The following TTF2 variants were observed in gnomAD, a reference collection of about 807,000 sequenced individuals.
The protein encoded by TTF2 is RNA polymerase II termination factor.
In TTF2, 108 loss-of-function variants were observed where a neutral mutation model predicts 142.4. That is an observed-to-expected ratio of 0.76 (90% CI 0.65 to 0.89). The LOEUF (loss-of-function observed/expected upper bound fraction) is 0.89. TTF2 is among the 40% of genes least tolerant of loss of function. The pLI is 0.00. For missense variants in TTF2, 1,327 were observed against 1,379.8 expected (o/e 0.96, Z 0.61); for synonymous variants, 483 against 506.2 (o/e 0.95, Z 0.61).
At chr1:117,066,204 A>C (rs1212731474) in intron 3 of TTF2, among the ~76,000 whole-genome samples, 1 of 152,044 alleles carries the variant, frequency 6.6e-6, no homozygotes, top group Non-Finnish European at 1.5e-5. Flanking sequence ...TACCAGAAAG[A>C]TGGAGAAACT....
At position 117,086,383 on chromosome 1, in the gene TTF2, A is replaced by T. The variant is rs1648011952; in HGVS notation, c.2055-34A>T. On this transcript the variant is annotated intron_variant, in intron 11 of 22. Coordinates refer to ENST00000369466, the MANE Select transcript of TTF2 (RefSeq NM_003594.4). This position sits in a 1 kb window ranked among gnomAD's most constrained non-coding sequence, Gnocchi z 4.2. ...TCTCTCATTGTCCCTCTATAGTGGG[A>T]CCATTTATTGATTTCTTTGTTATGT... 1 of 1,496,806 alleles carries T rather than the reference A, an allele frequency of 6.7e-7. No individual in the cohort carries two copies. The highest frequency in any genetic ancestry group is 1.4e-5 in the African/African-American group (1 of 72,492). The allele number at this position is 1,496,806 out of a possible 1,614,324, so 92.7% of individuals were successfully genotyped here.
rs770701349 is a variant in TTF2 at position 117,076,618 on chromosome 1, C to T, written c.1391-23C>T. On this transcript the variant is annotated intron_variant, in intron 6 of 22. Transcript: ENST00000369466. This position sits in a 1 kb window ranked among gnomAD's most constrained non-coding sequence, Gnocchi z 4.6. ...ACTTAGTTTGCTGAACTTTAATCTG[C>T]TCTTCCCTTGTTTTCTGAGCAGGAA... 4 of 1,589,746 alleles carry T rather than the reference C, an allele frequency of 2.5e-6. No individual in the cohort carries two copies. The South Asian group carries it at 3.5e-5, about 14-fold the overall frequency.
intron 3 of TTF2, among the ~76,000 whole-genome samples, chr1:117,066,530 G>A (rs1432194515): frequency 6.6e-6 from 1 of 152,084 alleles, no homozygotes; most frequent in Non-Finnish European, 1.5e-5. Flanking sequence ...GTGTGTGATG[G>A]CCTCGGTCTG....
At position 117,060,555 on chromosome 1, in the gene TTF2, C is replaced by A. The variant is rs754822746; in HGVS notation, c.129C>A (p.Thr43=). The A allele has an allele frequency of 3.1e-6, 5 of 1,609,054 alleles. No homozygotes were observed. Among genetic ancestry groups the A allele is most frequent in the Non-Finnish European group, 4.2e-6 (5 of 1,177,236 alleles). The part of the protein sequence containing the change: ...RADTCSFVRA[T]DIPVSHCLLH... ...ACACGTGCAGCTTCGTGCGGGCCAC[C>A]GAGTAGGTCTGGAGCTGGGCCCCAC... is the stretch of plus-strand genomic sequence containing the variant. The change falls in exon 2 of 23, where the codon ACC becomes ACA. Residue 43 remains threonine (T), a splice_region_variant and synonymous_variant. Transcript: ENST00000369466.
rs1010454836 is a variant in TTF2, at chr1:117,096,165, T to C, written c.3052T>C (p.Trp1018Arg). ...ASQKSVIVSQWTNMLKVVALH... is the reference protein window; with the variant it reads ...ASQKSVIVSQRTNMLKVVALH... ...TCTTTCCAGTGTCATTGTCTCTCAG[T>C]GGACCAACATGCTGAAAGTTGTAGC... Residue 1018 changes from tryptophan (W) to arginine (R), a missense_variant, in exon 20 of 23, where the codon TGG (tryptophan) becomes CGG (arginine). Trp to Arg is a moderately radical substitution (Grantham distance 101, BLOSUM62 -3). Coordinates refer to ENST00000369466, the MANE Select transcript of TTF2 (RefSeq NM_003594.4). The C allele has an allele frequency of 2.5e-6, 4 of 1,614,106 alleles. No individual in the cohort carries two copies. The highest frequency in any genetic ancestry group is 2.7e-5 in the African/African-American group (2 of 75,036).
chr1:117,086,603 C>A lies in TTF2; in HGVS notation c.2160+81C>A. On this transcript the variant is annotated intron_variant, in intron 12 of 22. Transcript: ENST00000369466. The surrounding 1 kb of genome is among the most constrained non-coding windows in gnomAD (Gnocchi z 4.2). Reference sequence around the variant, plus strand: ...GAGTCTTTCTCAGCCTCCACGATAGCAAGAGGACCTCCCTGGAGGTCAGGA... The same window carrying A: ...GAGTCTTTCTCAGCCTCCACGATAGAAAGAGGACCTCCCTGGAGGTCAGGA... The A allele has an allele frequency of 1.0e-6, 1 of 969,614 alleles. No homozygotes were observed. 60.1% of individuals were successfully genotyped at this position (969,614 alleles called of 1,614,324 possible).
rs1411496552 is a variant in TTF2, at chr1:117,090,281, C to G, written c.2496+73C>G. The G allele has an allele frequency of 1.3e-6, 2 of 1,550,128 alleles. No homozygotes were observed. Among genetic ancestry groups the G allele is most frequent in the Non-Finnish European group, 1.7e-6 (2 of 1,149,488 alleles). On this transcript the variant is annotated intron_variant, in intron 14 of 22. Coordinates refer to ENST00000369466, the MANE Select transcript of TTF2 (RefSeq NM_003594.4). The surrounding 1 kb of genome is among the most constrained non-coding windows in gnomAD (Gnocchi z 4.8). ...GACTGTGTCCTTGTCTTGGGTTGAA[C>G]AGCCATCTGCTTTGCTTCAGGAGCC...
rs1389983186 is a variant in TTF2, at chr1:117,076,459, C to G, written c.1390+165C>G. 2.1e-6 allele frequency: 2 copies of G among 932,342 alleles called. No homozygotes were observed. Among genetic ancestry groups the G allele is most frequent in the African/African-American group, 1.7e-5 (1 of 59,692 alleles). The allele number at this position is 932,342 out of a possible 1,614,324, so 57.8% of individuals were successfully genotyped here. A position where few individuals can be genotyped will look rare whatever the true frequency, so the allele number is the denominator to read the frequency against. ...ACCTATGGTTCATAAAAAACTTTCT[C>G]CTGTTTCCTGTGGACTCTACTTTCT... On this transcript the variant is annotated intron_variant, in intron 6 of 22. Transcript: ENST00000369466. This position sits in a 1 kb window ranked among gnomAD's most constrained non-coding sequence, Gnocchi z 4.6.
At chr1:117,061,921 A>G (rs1371264059) in intron 2 of TTF2, among the ~76,000 whole-genome samples, 1 of 152,202 alleles carries the variant, frequency 6.6e-6, no homozygotes, top group Non-Finnish European at 1.5e-5. Flanking sequence ...ATTTTTTCAT[A>G]ATAAGTTGGA....
chr1:117,091,572 C>T (rs1472001142), intron 16 of TTF2, among the ~76,000 whole-genome samples, 162 bp downstream of exon 16: 3 of 152,180 alleles, frequency 2.0e-5, no homozygotes, highest in Non-Finnish European at 4.4e-5. Context: ...AACACGAGAT[C>T]TGGTGTTTAT....
chr1:117,069,567 C>T (rs974040548), intron 3 of TTF2, among the ~76,000 whole-genome samples: 1 of 152,194 alleles, frequency 6.6e-6, no homozygotes, highest in African/African-American at 2.4e-5. Context: ...TCAGGCTTTG[C>T]TCTGATTGTA....
Position 117,088,922 on chromosome 1 carries a change from G to T in TTF2, c.2282G>T (p.Arg761Leu), listed in dbSNP as rs781058686. Residue 761 changes from arginine to leucine, a missense_variant, in exon 13 of 23, where the codon CGT becomes CTT. Arg to Leu is a moderately radical substitution (Grantham distance 102, BLOSUM62 -2). Transcript: ENST00000369466. ...GTGTGTAAGCTACAAGCCTGTGCCC[G>T]TTGGGCTGTCACTGGAACCCCCATT... ...IAVCKLQACA[R>L]WAVTGTPIQN... The T allele has an allele frequency of 6.2e-7, 1 of 1,613,492 alleles. No homozygotes were observed. Among genetic ancestry groups the T allele is most frequent in the Non-Finnish European group, 8.5e-7 (1 of 1,179,770 alleles).
At position 117,060,369 on chromosome 1, in the gene TTF2, A is replaced by G. The variant is rs751391686; in HGVS notation, c.23A>G (p.Glu8Gly). ...GAAATGGAAGAAGTTAGGTGTCCAGAGCACGGTAAGGGGCTAGGGTCTCAG... is the reference window on the plus strand; with the variant it reads ...GAAATGGAAGAAGTTAGGTGTCCAGGGCACGGTAAGGGGCTAGGGTCTCAG... MEEVRCP[E>G]HGTFCFLKTG... is the part of the protein sequence containing the mutation. The change falls in exon 1 of 23, where the codon GAG becomes GGG. Residue 8 changes from glutamate (E) to glycine (G), a missense_variant. Coordinates refer to ENST00000369466, the MANE Select transcript of TTF2 (RefSeq NM_003594.4). The G allele has an allele frequency of 1.9e-5, 31 of 1,605,692 alleles. No individual in the cohort carries two copies. Among genetic ancestry groups the G allele is most frequent in the Non-Finnish European group, 2.6e-5 (31 of 1,175,748 alleles).
At position 117,063,221 on chromosome 1, in the gene TTF2, G is replaced by A. The variant is rs1655825041; in HGVS notation, c.218+748G>A. Among the ~76,000 whole-genome samples, 2 of 152,086 alleles carry A rather than the reference G, an allele frequency of 1.3e-5. No individual in the cohort carries two copies. On this transcript the variant is annotated intron_variant, in intron 3 of 22. Transcript: ENST00000369466. This position sits in a 1 kb window ranked among gnomAD's most constrained non-coding sequence, Gnocchi z 4.1. ...TACCACCTACAATTTTTATATACCTGAGTACTGTTCATACTTCTATTTTTC... is the reference window on the plus strand; with the variant it reads ...TACCACCTACAATTTTTATATACCTAAGTACTGTTCATACTTCTATTTTTC...
In TTF2 at chr1:117,076,418, A is replaced by G; in HGVS notation, c.1390+124A>G. On this transcript the variant is annotated intron_variant, in intron 6 of 22. Coordinates refer to ENST00000369466, the MANE Select transcript of TTF2 (RefSeq NM_003594.4). The surrounding 1 kb of genome is among the most constrained non-coding windows in gnomAD (Gnocchi z 4.6). ...TTCCATTTTATTATCTGCTTCTGAG[A>G]CTTCTTTCACATTACACCTATGGTT... 1.1e-6 allele frequency: 1 copy of G among 920,410 alleles called. No individual in the cohort carries two copies. The highest frequency in any genetic ancestry group is 1.6e-6 in the Non-Finnish European group (1 of 612,648). 57.0% of individuals were successfully genotyped at this position (920,410 alleles called of 1,614,324 possible).
Position 117,092,024 on chromosome 1 carries a change from C to T in TTF2, c.2805+74C>T. The stretch of plus-strand genomic sequence containing the variant: ...CCTGAGAAGTCAATTTCACTCTCCT[C>T]CAACTGGAATCCAGTCTGCTTGATC... On this transcript the variant is annotated intron_variant, in intron 17 of 22. Coordinates refer to ENST00000369466, the MANE Select transcript of TTF2 (RefSeq NM_003594.4). This position sits in a 1 kb window ranked among gnomAD's most constrained non-coding sequence, Gnocchi z 4.4. The T allele has an allele frequency of 6.9e-7, 1 of 1,451,918 alleles. No homozygotes were observed. Among genetic ancestry groups the T allele is most frequent in the Non-Finnish European group, 9.3e-7 (1 of 1,076,060 alleles). 89.9% of individuals were successfully genotyped at this position (1,451,918 alleles called of 1,614,324 possible).
intron 3 of TTF2, among the ~76,000 whole-genome samples, chr1:117,066,028 G>T (rs1656095287): frequency 1.7e-5 from 2 of 116,046 alleles, no homozygotes; most frequent in South Asian, 5.8e-4. Flanking sequence ...GTAGAGACAC[G>T]GTCTCACTGT....
rs941107424 is a variant in TTF2, at chr1:117,106,571, C to G, written c.*5047C>G. 3 of 152,190 alleles carry G rather than the reference C, an allele frequency of 2.0e-5. No homozygotes were observed. The highest frequency in any genetic ancestry group is 7.2e-5 in the African/African-American group (3 of 41,450). 9.4% of individuals were successfully genotyped at this position (152,190 alleles called of 1,614,324 possible). ...ACTATCCTGTCCTCCTGAGGCTTAG[C>G]ATCTAAGGGAGACAGGCATTAGTCA... On this transcript the variant is annotated 3_prime_UTR_variant, in exon 23 of 23. Transcript: ENST00000369466.
chr1:117,091,268 A>G, intron 15 of TTF2, 60 bp from the exon 16 acceptor site: 2 of 1,428,464 alleles, frequency 1.4e-6, no homozygotes, highest in Non-Finnish European at 1.9e-6. Context: ...CTGCAGGCAC[A>G]GTTAAGCAGG....
Sources: gnomAD v4.1 joint callset for allele counts (sites outside exome capture counted in the v4.1 genomes callset) on GRCh38, gnomAD v4.1.1 for gene constraint, Gnocchi (gnomAD v3.1) non-coding constraint, MANE v1.5 for transcripts, NCBI Gene and HGNC (gene_info 2026-07-23, HGNC 2026-07-21) for gene names.